TMPRSS15: variants seen among roughly 807,000 people sequenced by gnomAD.
TMPRSS15 encodes the protein enteropeptidase.
Under a neutral mutation model 125.3 loss-of-function variants are expected in TMPRSS15, and 128 were observed. The ratio of observed to expected loss-of-function variants is 1.02; its 90% CI spans 0.89 to 1.18. TMPRSS15 has a LOEUF of 1.18. TMPRSS15 is among the 50% of genes most tolerant of loss of function. TMPRSS15 has a pLI of 0.00. For synonymous variants in TMPRSS15, 446 were observed against 423.2 expected, an observed-to-expected ratio of 1.05 and a Z score of -0.66; for missense variants, 1,283 against 1,212.7, an observed-to-expected ratio of 1.06 and a Z score of -0.86.
At chr21:18,436,024 T>G (rs2076227105) in intron 1 of TMPRSS15, among the ~76,000 whole-genome samples, 1 of 150,412 alleles carries the variant, frequency 6.6e-6, no homozygotes, top group Non-Finnish European at 1.5e-5. Flanking sequence ...TTCTCTCTTT[T>G]TTTCTTTATT....
chr21:18,437,699 T>G (rs1195550766), intron 1 of TMPRSS15, among the ~76,000 whole-genome samples: 2 of 152,162 alleles, frequency 1.3e-5, no homozygotes, highest in Admixed American at 1.3e-4. Flanking sequence ...AGAAGACATT[T>G]ATGCAGCCAA....
chr21:18,410,491 A>C (rs2076163421), intron 1 of TMPRSS15, among the ~76,000 whole-genome samples: 2 of 151,968 alleles, frequency 1.3e-5, no homozygotes, highest in Admixed American at 6.6e-5. Flanking sequence ...CCTGCTTACC[A>C]GTCACCTGTT....
chr21:18,471,679 C>A (rs906924416), intron 1 of TMPRSS15, among the ~76,000 whole-genome samples: 2 of 152,036 alleles, frequency 1.3e-5, no homozygotes, highest in African/African-American at 4.8e-5. Context: ...CCTTTGCAAC[C>A]AGCCACTCAA....
chr21:18,308,499 G>A (rs1042614598), intron 18 of TMPRSS15, among the ~76,000 whole-genome samples: 1 of 150,914 alleles, frequency 6.6e-6, no homozygotes, highest in African/African-American at 2.4e-5. Context: ...ATAAAAGTAG[G>A]AATAGAAAGA....
At chr21:18,377,344 T>G (rs1229591660) in intron 5 of TMPRSS15, among the ~76,000 whole-genome samples, 1 of 152,122 alleles carries the variant, frequency 6.6e-6, no homozygotes, top group Non-Finnish European at 1.5e-5. Context: ...TTTATGAATC[T>G]TTTAAAGAAA....
intron 3 of TMPRSS15, among the ~76,000 whole-genome samples, chr21:18,392,292 T>C (rs1385208610): frequency 6.6e-6 from 1 of 152,230 alleles, no homozygotes; most frequent in Non-Finnish European, 1.5e-5. Flanking sequence ...TGTCACCTGT[T>C]GAAAATTTTG....
chr21:18,305,271 C>A (rs1044533098), intron 18 of TMPRSS15, among the ~76,000 whole-genome samples: 4 of 146,352 alleles, frequency 2.7e-5, no homozygotes, highest in African/African-American at 7.5e-5. Context: ...TCACTGCAAG[C>A]TCCGCCTCCC....
chr21:18,407,337 G>A (rs1000142297), upstream of TMPRSS15, among the ~76,000 whole-genome samples: 4 of 151,564 alleles, frequency 2.6e-5, no homozygotes, highest in African/African-American at 9.7e-5. Flanking sequence ...TTAAAGGGGA[G>A]ACATAAGATT....
intron 1 of TMPRSS15, among the ~76,000 whole-genome samples, chr21:18,414,011 T>C (rs1054570608): frequency 6.6e-6 from 1 of 152,252 alleles, no homozygotes; most frequent in African/African-American, 2.4e-5. Flanking sequence ...GCTATAATAT[T>C]TTAATGACAT....
chr21:18,386,814 G>A (rs2075948173), intron 3 of TMPRSS15, among the ~76,000 whole-genome samples: 1 of 152,062 alleles, frequency 6.6e-6, no homozygotes, highest in Non-Finnish European at 1.5e-5. Context: ...AATTTCACCG[G>A]TTCAATTTGA....
intron 23 of TMPRSS15, among the ~76,000 whole-genome samples, chr21:18,275,947 G>C (rs980819793): frequency 2.5e-4 from 38 of 152,166 alleles, no homozygotes; most frequent in African/African-American, 8.9e-4. Context: ...TCCACTAGAA[G>C]TACGAATCTC....
chr21:18,292,250 T>C lies in TMPRSS15; in HGVS notation c.2486+2020A>G, dbSNP rs144744632. On this transcript the variant is annotated intron_variant, in intron 21 of 24. Transcript: ENST00000284885. ...AGTATTTACATAGACAAGACCCCCA[T>C]AGAAGAAAAACTTAAAGACAGGGCG... Among the ~76,000 whole-genome samples the C allele has an allele frequency of 2.6e-5, 4 of 152,300 alleles. No homozygotes were observed. In the East Asian group the frequency reaches 7.7e-4, roughly 29 times the overall value.
intron 10 of TMPRSS15, among the ~76,000 whole-genome samples, chr21:18,351,637 C>T (rs1157379706): frequency 6.6e-6 from 1 of 152,150 alleles, no homozygotes; most frequent in Non-Finnish European, 1.5e-5. Flanking sequence ...CCTGAGACCT[C>T]CCCAGCCATG....
chr21:18,360,349 G>A (rs183498468), intron 7 of TMPRSS15, among the ~76,000 whole-genome samples: 21 of 152,014 alleles, frequency 1.4e-4, no homozygotes, highest in Admixed American at 2.0e-4. Context: ...GGACACTCAC[G>A]TTCTTTTTAC....
At position 18,385,801 on chromosome 21, in the gene TMPRSS15, C is replaced by T. The variant is rs551177101; in HGVS notation, c.345-2023G>A. The stretch of plus-strand genomic sequence containing the variant: ...TCTCTGGGGCCAGGCTGGAGTGCAG[C>T]GGCACGATCTCCGCTCACTGCAACC... On this transcript the variant is annotated intron_variant, in intron 3 of 24. Transcript: ENST00000284885. 9.9e-5 allele frequency among the ~76,000 whole-genome samples: 15 copies of T among 151,872 alleles called. No individual in the cohort carries two copies. The South Asian group carries it at 1.9e-3, about 19-fold the overall frequency.
chr21:18,449,899 A>ACC (rs1491394195), intron 1 of TMPRSS15, among the ~76,000 whole-genome samples: 11 of 133,268 alleles, frequency 8.3e-5, no homozygotes, highest in African/African-American at 3.0e-4. Context: ...ACACACACAC[A>ACC]CCTATATAAA....
intron 23 of TMPRSS15, among the ~76,000 whole-genome samples, chr21:18,277,488 TAAATC>T (rs1423862326): frequency 2.0e-5 from 3 of 152,204 alleles, no homozygotes; most frequent in Non-Finnish European, 2.9e-5. Flanking sequence ...TGAAGTTTAA[TAAATC>T]ATAATATTTT....
chr21:18,306,325 G>C (rs1423895770), intron 18 of TMPRSS15, among the ~76,000 whole-genome samples: 4 of 152,274 alleles, frequency 2.6e-5, no homozygotes, highest in Admixed American at 2.6e-4. Context: ...TCAGTGCTAA[G>C]TTGTATAAAC....
intron 1 of TMPRSS15, among the ~76,000 whole-genome samples, chr21:18,461,017 T>C (rs1427266772): frequency 6.6e-6 from 1 of 152,218 alleles, no homozygotes; most frequent in African/African-American, 2.4e-5. Context: ...ATGGTTTTCC[T>C]TGAATGAACA....
Sources: gnomAD v4.1 joint callset for allele counts (sites outside exome capture counted in the v4.1 genomes callset) on GRCh38, gnomAD v4.1.1 for gene constraint, MANE v1.5 for transcripts, NCBI Gene and HGNC (gene_info 2026-07-23, HGNC 2026-07-21) for gene names.